The following KCMF1 variants were observed in gnomAD, a reference collection of about 807,000 sequenced individuals.
KCMF1 encodes E3 ubiquitin-protein ligase KCMF1.
KCMF1 carries 3 observed loss-of-function variants against 41.1 expected under a neutral mutation model. The observed-to-expected ratio is 0.07, with a 90% confidence interval of 0.03 to 0.19. KCMF1 has a LOEUF of 0.19. Ranked by LOEUF, KCMF1 falls within the 10% of genes least tolerant of loss-of-function variation. The pLI is 1.00. For synonymous variants in KCMF1, 142 were observed against 164.5 expected, an observed-to-expected ratio of 0.86 and a Z score of 1.04; for missense variants, 286 against 488.9, an observed-to-expected ratio of 0.58 and a Z score of 3.91.
At chr2:85,024,583 A>AGAGAGAGT (rs1219534094) in intron 1 of KCMF1, among the ~76,000 whole-genome samples, 1 of 124,220 alleles carries the variant, frequency 8.1e-6, no homozygotes, top group Non-Finnish European at 1.7e-5. Context: ...AGAGAGAGAG[A>AGAGAGAGT]GTGTGTGTGT....
At chr2:84,999,146 C>CTTAT (rs1358275861) in intron 1 of KCMF1, among the ~76,000 whole-genome samples, 3 of 151,520 alleles carry the variant, frequency 2.0e-5, no homozygotes, top group Non-Finnish European at 4.4e-5. Context: ...CGCCTGGCCT[C>CTTAT]TTATTTATTT....
intron 5 of KCMF1, among the ~76,000 whole-genome samples, chr2:85,047,012 A>C (rs965279143): frequency 6.6e-6 from 1 of 152,338 alleles, no homozygotes; most frequent in African/African-American, 2.4e-5. Flanking sequence ...ATTAAACTTT[A>C]GCACAACAGA....
At chr2:84,995,802 T>A (rs922323817) in intron 1 of KCMF1, among the ~76,000 whole-genome samples, 1 of 152,196 alleles carries the variant, frequency 6.6e-6, no homozygotes, top group African/African-American at 2.4e-5. Context: ...AATCCATTTT[T>A]AAAAAGAACT....
chr2:85,010,706 AAGGAGC>A (rs1558574536), intron 1 of KCMF1, among the ~76,000 whole-genome samples: 1 of 152,216 alleles, frequency 6.6e-6, no homozygotes, highest in South Asian at 2.1e-4. Context: ...CCAGTGAAGT[AAGGAGC>A]TGGAATGTAA....
intron 1 of KCMF1, among the ~76,000 whole-genome samples, chr2:84,976,642 C>CA (rs1163223948): frequency 3.8e-4 from 51 of 134,056 alleles, no homozygotes; most frequent in East Asian, 1.2e-3. Context: ...AAAAAAAAAA[C>CA]AAAAAAAAAC....
rs1558573489 is a variant in KCMF1 at position 85,008,321 on chromosome 2, C to CATATATAATATATGATATGATATATA, written c.17-19555_17-19554insGATATGATATATAATATATAATATAT. Among the ~76,000 whole-genome samples, 4 of 43,950 alleles carry CATATATAATATATGATATGATATATA rather than the reference C, an allele frequency of 9.1e-5. 1 individual carries two copies. Among genetic ancestry groups the CATATATAATATATGATATGATATATA allele is most frequent in the Non-Finnish European group, 1.8e-4 (4 of 22,730 alleles). The allele number at this position is 43,950 out of a possible 152,430, so 28.8% of individuals were successfully genotyped here. A position where few individuals can be genotyped will look rare whatever the true frequency, so the allele number is the denominator to read the frequency against. ...ATAATATATAATATGATATATATAT[C>CATATATAATATATGATATGATATATA]ATATATAATATATAATATGATATAT... On this transcript the variant is annotated intron_variant, in intron 1 of 6. Transcript: ENST00000409785.
chr2:85,024,578 G>A (rs888111064), intron 1 of KCMF1, among the ~76,000 whole-genome samples: 13 of 141,106 alleles, frequency 9.2e-5, no homozygotes, highest in African/African-American at 2.3e-4. Flanking sequence ...GAGAGAGAGA[G>A]AGAGAGTGTG....
chr2:84,991,559 T>C (rs1202894098), intron 1 of KCMF1, among the ~76,000 whole-genome samples: 1 of 151,922 alleles, frequency 6.6e-6, no homozygotes, highest in East Asian at 1.9e-4. Context: ...TGCAGGAGAG[T>C]GGTAGAAAGC....
At chr2:84,997,059 T>C (rs1674194216) in intron 1 of KCMF1, among the ~76,000 whole-genome samples, 1 of 152,160 alleles carries the variant, frequency 6.6e-6, no homozygotes, top group Admixed American at 6.5e-5. Context: ...AAAGATACAA[T>C]AAAAATGTAT....
intron 1 of KCMF1, among the ~76,000 whole-genome samples, chr2:84,997,260 A>C (rs1299096830): frequency 6.6e-6 from 1 of 151,980 alleles, no homozygotes; most frequent in Non-Finnish European, 1.5e-5. Flanking sequence ...GTAGGTCTTG[A>C]GGATATTAAA....
chr2:85,002,050 A>G (rs796660150), intron 1 of KCMF1, among the ~76,000 whole-genome samples: 8 of 152,350 alleles, frequency 5.3e-5, no homozygotes, highest in African/African-American at 1.9e-4. Context: ...GCAGTCCTTC[A>G]TTGACCTAAC....
chr2:85,010,291 A>G (rs1393271263), intron 1 of KCMF1, among the ~76,000 whole-genome samples: 2 of 152,144 alleles, frequency 1.3e-5, no homozygotes, highest in Admixed American at 6.6e-5. Flanking sequence ...CAACGTAGTG[A>G]AACCCCGTCT....
chr2:84,972,938 G>T (rs1673442450), intron 1 of KCMF1, among the ~76,000 whole-genome samples: 1 of 152,214 alleles, frequency 6.6e-6, no homozygotes, highest in African/African-American at 2.4e-5. Flanking sequence ...GGACACAGAA[G>T]TAGGAAGCTA....
intron 1 of KCMF1, among the ~76,000 whole-genome samples, chr2:84,997,225 A>T (rs183989662): frequency 6.6e-5 from 10 of 152,074 alleles, no homozygotes; most frequent in Admixed American, 2.0e-4. Flanking sequence ...TCCCTCATAA[A>T]ATTGCTTGTT....
chr2:84,996,919 A>G (rs1171194188), intron 1 of KCMF1, among the ~76,000 whole-genome samples: 1 of 152,192 alleles, frequency 6.6e-6, no homozygotes, highest in Non-Finnish European at 1.5e-5. Context: ...GGTATAGCCT[A>G]CTACACATCT....
At position 85,048,869 on chromosome 2, in the gene KCMF1, A is replaced by G. The variant is rs188775180; in HGVS notation, c.602-497A>G. Among the ~76,000 whole-genome samples the G allele has an allele frequency of 8.5e-5, 13 of 152,356 alleles. No homozygotes were observed. The East Asian group carries it at 2.5e-3, about 29-fold the overall frequency. On this transcript the variant is annotated intron_variant, in intron 5 of 6. Coordinates refer to ENST00000409785, the MANE Select transcript of KCMF1 (RefSeq NM_020122.5). ...CAGAGAGTGTGCAAGGGCCACCATC[A>G]GAAATGATCCAGGCCTCTTGGACTG...
At chr2:85,023,011 C>T (rs1674983485) in intron 1 of KCMF1, among the ~76,000 whole-genome samples, 1 of 151,412 alleles carries the variant, frequency 6.6e-6, no homozygotes, top group Non-Finnish European at 1.5e-5. Context: ...CCTCAGTCTC[C>T]CCAGAAGCTG....
intron 1 of KCMF1, among the ~76,000 whole-genome samples, chr2:84,995,747 TCAAAA>T (rs1311531499): frequency 1.3e-5 from 2 of 152,192 alleles, no homozygotes; most frequent in Non-Finnish European, 2.9e-5. Context: ...GGCCAGGAGT[TCAAAA>T]CAAGCGTGGG....
chr2:85,008,230 C>T (rs1287598749), intron 1 of KCMF1, among the ~76,000 whole-genome samples: 2 of 115,116 alleles, frequency 1.7e-5, no homozygotes, highest in Admixed American at 9.9e-5. Context: ...AAATACATCA[C>T]ATATTATATT....
Sources: gnomAD v4.1 joint callset for allele counts (sites outside exome capture counted in the v4.1 genomes callset) on GRCh38, gnomAD v4.1.1 for gene constraint, MANE v1.5 for transcripts, NCBI Gene and HGNC (gene_info 2026-07-23, HGNC 2026-07-21) for gene names.